Variants in BBS9 observed in about 807,000 individuals in gnomAD.
BBS9 encodes Bardet-Biedl syndrome 9, also known as protein PTHB1.
A neutral mutation model predicts 117.7 loss-of-function variants in BBS9; 89 were observed. The observed-to-expected ratio is 0.76, with a 90% CI of 0.64 to 0.90. BBS9 has a LOEUF of 0.90. Among genes scored for constraint, BBS9 ranks in the 40% least tolerant of loss-of-function variants. BBS9 has a pLI of 0.00. For synonymous variants in BBS9, 379 were observed against 370.9 expected (o/e 1.02, Z -0.25); for missense variants, 982 against 1,042.2 (o/e 0.94, Z 0.80).
intron 21 of BBS9, among the ~76,000 whole-genome samples, chr7:33,627,743 C>A (rs927666018): frequency 1.3e-5 from 2 of 152,162 alleles, no homozygotes; most frequent in African/African-American, 2.4e-5. Flanking sequence ...TTTAGGCTTT[C>A]TCTAAATAAA....
chr7:33,176,099 T>G (rs975637072), intron 4 of BBS9, among the ~76,000 whole-genome samples: 1 of 152,188 alleles, frequency 6.6e-6, no homozygotes, highest in Non-Finnish European at 1.5e-5. Flanking sequence ...GACTTTTTTT[T>G]ATAAATGGAG....
At chr7:33,318,331 T>C (rs1394437403) in intron 9 of BBS9, among the ~76,000 whole-genome samples, 3 of 152,172 alleles carry the variant, frequency 2.0e-5, no homozygotes, top group Non-Finnish European at 4.4e-5. Context: ...TTACATATAT[T>C]GGTCCTTCTT....
rs138972197 is a variant in BBS9, at chr7:33,492,203, GA to G, written c.2116-13250del. Among the ~76,000 whole-genome samples, 556 of 72,400 alleles carry G rather than the reference GA, an allele frequency of 7.7e-3. 9 individuals are homozygous for G. The highest frequency in any genetic ancestry group is 0.013 in the Admixed American group (85 of 6,346). The allele number at this position is 72,400 out of a possible 152,430, so 47.5% of individuals were successfully genotyped here. A position where few individuals can be genotyped will look rare whatever the true frequency, so the allele number is the denominator to read the frequency against. On this transcript the variant is annotated intron_variant, in intron 19 of 22. Coordinates refer to ENST00000242067, the MANE Select transcript of BBS9 (RefSeq NM_198428.3). ...GGGTGACAAAGCAAGATTCCACCTC[GA>G]AAAAAAAAACAAAAAAAAAACAAAA...
At chr7:33,413,532 A>C (rs17170220) in intron 19 of BBS9, among the ~76,000 whole-genome samples, 26,829 of 152,146 alleles carry the variant, frequency 0.18, 2,540 homozygotes, top group South Asian at 0.21. Flanking sequence ...TTCATTAGTA[A>C]GTACATCAAT....
intron 19 of BBS9, among the ~76,000 whole-genome samples, chr7:33,461,789 T>C (rs1240859446): frequency 6.6e-6 from 1 of 152,080 alleles, no homozygotes; most frequent in Non-Finnish European, 1.5e-5. Flanking sequence ...AATTAATTTT[T>C]TTCTTCTTTG....
chr7:33,320,053 A>G (rs1162657093), intron 9 of BBS9, among the ~76,000 whole-genome samples: 1 of 152,186 alleles, frequency 6.6e-6, no homozygotes, highest in Admixed American at 6.5e-5. Flanking sequence ...TAATCACATC[A>G]AGGCAATGGG....
chr7:33,231,774 A>G lies in BBS9; in HGVS notation c.443-25462A>G, dbSNP rs1174864668. Among the ~76,000 whole-genome samples, 5 of 152,248 alleles carry G rather than the reference A, an allele frequency of 3.3e-5. No homozygotes were observed. In the East Asian group the frequency reaches 9.7e-4, roughly 29 times the overall value. ...TCTTTGTTTTCAGGGTTTGATTTAT[A>G]ATTGAAACATAAGAGTTTCTTTCTC... On this transcript the variant is annotated intron_variant, in intron 5 of 22. Transcript: ENST00000242067.
intron 19 of BBS9, among the ~76,000 whole-genome samples, chr7:33,491,617 TAAGAC>T (rs1306185211): frequency 6.6e-6 from 1 of 152,156 alleles, no homozygotes; most frequent in East Asian, 1.9e-4. Flanking sequence ...CAGTAGTAAA[TAAGAC>T]AAGACACAGT....
rs1461059609 is a variant in BBS9 at position 33,317,637 on chromosome 7, G to A, written c.1017-18804G>A. 2.6e-5 allele frequency among the ~76,000 whole-genome samples: 4 copies of A among 152,040 alleles called. No homozygotes were observed. In the East Asian group the frequency reaches 7.7e-4, roughly 29 times the overall value. ...TCTCTCTTCCCATCCATCTTGCCTG[G>A]GCTACCATCTTTTCTTTCCTGGATT... is the stretch of plus-strand genomic sequence containing the variant. On this transcript the variant is annotated intron_variant, in intron 9 of 22. Transcript: ENST00000242067.
intron 6 of BBS9, among the ~76,000 whole-genome samples, chr7:33,260,039 G>A (rs1963336): frequency 2.1e-5 from 3 of 140,446 alleles, no homozygotes; most frequent in Admixed American, 7.6e-5. Flanking sequence ...TTGCTCTGTC[G>A]CCCAGGCTGG....
At chr7:33,606,370 A>C (rs1355321317), downstream of BBS9, among the ~76,000 whole-genome samples, 1 of 152,166 alleles carries the variant, frequency 6.6e-6, no homozygotes, top group Non-Finnish European at 1.5e-5. Context: ...TGTGGATTCT[A>C]TTGGATGCTG....
chr7:33,635,452 G>T (rs561511855), exon 22 of BBS9, among the ~76,000 whole-genome samples: 1 of 152,308 alleles, frequency 6.6e-6, no homozygotes, highest in African/African-American at 2.4e-5. Flanking sequence ...CCAGGCCTGG[G>T]CCCTGGAACC....
intron 19 of BBS9, among the ~76,000 whole-genome samples, chr7:33,502,901 G>C (rs973680205): frequency 3.3e-5 from 5 of 152,128 alleles, no homozygotes; most frequent in African/African-American, 1.2e-4. Flanking sequence ...TCAAAATGCA[G>C]GAAGAAAGCG....
At chr7:33,542,699 A>ATGTGTGTG (rs200416682) in intron 21 of BBS9, among the ~76,000 whole-genome samples, 2 of 145,860 alleles carry the variant, frequency 1.4e-5, no homozygotes, top group Non-Finnish European at 3.0e-5. Context: ...CATTATATAT[A>ATGTGTGTG]TGTGTGTGTG....
chr7:33,419,007 C>T (rs183478407), intron 19 of BBS9, among the ~76,000 whole-genome samples: 244 of 152,248 alleles, frequency 1.6e-3, no homozygotes, highest in South Asian at 3.7e-3. Context: ...TTAGCAAAAT[C>T]CCATTATGCA....
intron 5 of BBS9, among the ~76,000 whole-genome samples, chr7:33,200,136 C>T (rs186371841): frequency 1.2e-3 from 177 of 152,116 alleles, no homozygotes; most frequent in Middle Eastern, 3.4e-3. Context: ...TTGACACTTC[C>T]TTTTTCTTAT....
chr7:33,509,807 GA>G (rs1846662087), intron 20 of BBS9, among the ~76,000 whole-genome samples: 1 of 152,184 alleles, frequency 6.6e-6, no homozygotes, highest in Admixed American at 6.5e-5. Context: ...AAAATATTTA[GA>G]ATGTGCTATT....
intron 4 of BBS9, among the ~76,000 whole-genome samples, chr7:33,169,653 G>A (rs1796229777): frequency 6.6e-6 from 1 of 151,096 alleles, no homozygotes; most frequent in Admixed American, 6.6e-5. Flanking sequence ...CTTTTTGATG[G>A]GGTTGTTTGT....
chr7:33,324,993 CCT>C (rs1442378382), intron 9 of BBS9, among the ~76,000 whole-genome samples: 1 of 152,114 alleles, frequency 6.6e-6, no homozygotes, highest in East Asian at 1.9e-4. Flanking sequence ...TCTGTAACCT[CCT>C]TGTACTTGAA....
Sources: gnomAD v4.1 joint callset for allele counts (sites outside exome capture counted in the v4.1 genomes callset) on GRCh38, gnomAD v4.1.1 for gene constraint, MANE v1.5 for transcripts, NCBI Gene and HGNC (gene_info 2026-07-23, HGNC 2026-07-21) for gene names.